DPP6: variants seen among roughly 807,000 people sequenced by gnomAD.
The protein encoded by DPP6 is dipeptidyl peptidase like 6, also known as A-type potassium channel modulatory protein DPP6.
DPP6 carries 69 observed loss-of-function variants against 122.6 expected under a neutral mutation model. That is an observed-to-expected ratio of 0.56 (90% CI 0.46 to 0.69). DPP6 has a LOEUF of 0.69. DPP6 is among the 30% of genes least tolerant of loss of function. The pLI, the probability that DPP6 is intolerant of heterozygous loss-of-function variation, is 0.00. For missense variants in DPP6, 928 were observed against 1,116.9 expected, an observed-to-expected ratio of 0.83 and a Z score of 2.41; for synonymous variants, 418 against 433.1, an observed-to-expected ratio of 0.97 and a Z score of 0.43.
intron 1 of DPP6, among the ~76,000 whole-genome samples, chr7:154,103,721 GA>G (rs1805930812): frequency 6.6e-6 from 1 of 152,246 alleles, no homozygotes; most frequent in Non-Finnish European, 1.5e-5. Flanking sequence ...GCAGGCAGAA[GA>G]AGGTAAGATA....
At position 154,567,831 on chromosome 7, in the gene DPP6, T is replaced by C. The variant is rs537132927; in HGVS notation, c.627+915T>C. On this transcript the variant is annotated intron_variant, in intron 5 of 25. Coordinates refer to ENST00000377770, the MANE Select transcript of DPP6 (RefSeq NM_130797.4). ...TGAGACAGTCAAGCTTTTTGGTTTA[T>C]ATCCACTGGGAAAGCTGGGGTATTG... Among the ~76,000 whole-genome samples the C allele has an allele frequency of 4.6e-5, 7 of 152,328 alleles. No individual in the cohort carries two copies. In the South Asian group the frequency reaches 1.0e-3, roughly 23 times the overall value.
At chr7:154,023,318 G>GCACGCACACGCACACACACACACA (rs373378162) in intron 1 of DPP6, among the ~76,000 whole-genome samples, 7 of 129,528 alleles carry the variant, frequency 5.4e-5, no homozygotes, top group South Asian at 2.7e-4. Context: ...TTTCTTGTCT[G>GCACGCACACGCACACACACACACA]CACACACACA....
At chr7:154,235,762 G>A (rs1205676750) in intron 1 of DPP6, among the ~76,000 whole-genome samples, 1 of 152,202 alleles carries the variant, frequency 6.6e-6, no homozygotes, top group Non-Finnish European at 1.5e-5. Flanking sequence ...AATTTAATCT[G>A]CCTAGATTCA....
chr7:154,778,002 T>C (rs1229945662), intron 10 of DPP6, among the ~76,000 whole-genome samples: 2 of 152,322 alleles, frequency 1.3e-5, no homozygotes, highest in Non-Finnish European at 2.9e-5. Flanking sequence ...GCCTCTCTCA[T>C]TTTATTGATT....
At chr7:153,975,922 C>T (rs1256227634) in intron 1 of DPP6, among the ~76,000 whole-genome samples, 1 of 152,160 alleles carries the variant, frequency 6.6e-6, no homozygotes, top group Admixed American at 6.5e-5. Context: ...ATGATAATAT[C>T]TATTTCACAT....
chr7:154,288,797 A>G (rs1440636671), intron 1 of DPP6, among the ~76,000 whole-genome samples: 2 of 152,234 alleles, frequency 1.3e-5, no homozygotes, highest in African/African-American at 4.8e-5. Context: ...AACAGATGCA[A>G]ATACCTGCCT....
intron 1 of DPP6, among the ~76,000 whole-genome samples, chr7:154,181,021 TCAG>T (rs1399860465): frequency 3.9e-5 from 6 of 152,230 alleles, no homozygotes; most frequent in Non-Finnish European, 4.4e-5. Context: ...AATAATTTTG[TCAG>T]CAGTACTGAC....
intron 1 of DPP6, among the ~76,000 whole-genome samples, chr7:153,970,699 C>T (rs946370123): frequency 2.0e-5 from 3 of 152,100 alleles, no homozygotes; most frequent in African/African-American, 7.2e-5. Context: ...AGGATCATTT[C>T]TGCTGGTATG....
chr7:154,779,727 A>G (rs929793096), intron 10 of DPP6, among the ~76,000 whole-genome samples: 3 of 152,110 alleles, frequency 2.0e-5, no homozygotes, highest in African/African-American at 7.2e-5. Flanking sequence ...GGTTGTTCAG[A>G]CATCTTCAGG....
chr7:154,515,914 G>T (rs1193500173), intron 3 of DPP6, among the ~76,000 whole-genome samples: 1 of 152,182 alleles, frequency 6.6e-6, no homozygotes, highest in Non-Finnish European at 1.5e-5. Context: ...TGTTGTGTGG[G>T]AGTGTCTGTG....
chr7:154,472,868 A>T (rs888218024), intron 2 of DPP6, among the ~76,000 whole-genome samples: 9 of 146,364 alleles, frequency 6.1e-5, no homozygotes, highest in Admixed American at 5.5e-4. Flanking sequence ...TTCCCTATAT[A>T]GAAGTCTTAA....
At chr7:154,482,082 A>G (rs1458404076) in intron 3 of DPP6, among the ~76,000 whole-genome samples, 1 of 152,234 alleles carries the variant, frequency 6.6e-6, no homozygotes, top group Non-Finnish European at 1.5e-5. Flanking sequence ...TTTTCTGATC[A>G]TGTGATTTGG....
At chr7:154,375,420 C>T (rs10488312) in intron 1 of DPP6, among the ~76,000 whole-genome samples, 13,757 of 152,142 alleles carry the variant, frequency 0.09, 693 homozygotes, top group African/African-American at 0.12. Context: ...CCTTTATTCA[C>T]TACGGTTTTA....
chr7:154,615,636 C>T (rs1022761175), intron 5 of DPP6, among the ~76,000 whole-genome samples: 1 of 152,120 alleles, frequency 6.6e-6, no homozygotes, highest in African/African-American at 2.4e-5. Context: ...GCAACAGATC[C>T]CAATGCCTTT....
chr7:154,476,114 T>C (rs1349155020), intron 3 of DPP6, among the ~76,000 whole-genome samples: 4 of 152,206 alleles, frequency 2.6e-5, no homozygotes, highest in Non-Finnish European at 5.9e-5. Context: ...TGGCTGTTAG[T>C]CTCCTGCTTA....
At chr7:154,251,482 T>C (rs1802348031) in intron 1 of DPP6, among the ~76,000 whole-genome samples, 1 of 152,128 alleles carries the variant, frequency 6.6e-6, no homozygotes, top group Admixed American at 6.5e-5. Context: ...GATATATGCA[T>C]ATATAAAAGG....
At chr7:154,425,621 G>GGTGGGTGTGTGTGT (rs775417561) in intron 1 of DPP6, among the ~76,000 whole-genome samples, 7 of 121,460 alleles carry the variant, frequency 5.8e-5, no homozygotes, top group African/African-American at 2.5e-4. Context: ...TGTGTGTGTG[G>GGTGGGTGTGTGTGT]GTGTGTGTGT....
At chr7:154,731,070 G>A (rs1842315469) in intron 8 of DPP6, among the ~76,000 whole-genome samples, 1 of 152,192 alleles carries the variant, frequency 6.6e-6, no homozygotes, top group South Asian at 2.1e-4. Flanking sequence ...TTCTGAGGCT[G>A]GGAGCACAGG....
chr7:153,927,842 A>G (rs1446252713), intron 1 of DPP6, among the ~76,000 whole-genome samples: 1 of 152,160 alleles, frequency 6.6e-6, no homozygotes, highest in Non-Finnish European at 1.5e-5. Context: ...TGCCCTACCC[A>G]TCTCTTCCTT....
Sources: gnomAD v4.1 joint callset for allele counts (sites outside exome capture counted in the v4.1 genomes callset) on GRCh38, gnomAD v4.1.1 for gene constraint, MANE v1.5 for transcripts, NCBI Gene and HGNC (gene_info 2026-07-23, HGNC 2026-07-21) for gene names.